ZNF148: variants seen among roughly 807,000 people sequenced by gnomAD.
The protein encoded by ZNF148 is Beta-Enolase Repressor Factor-1.
Under a neutral mutation model 67.7 loss-of-function variants are expected in ZNF148, and 7 were observed. That is an observed-to-expected ratio of 0.10 (90% confidence interval 0.06 to 0.19). The LOEUF (loss-of-function observed/expected upper bound fraction) is 0.19. ZNF148 is among the 10% of genes least tolerant of loss of function. The pLI is 1.00. For missense variants in ZNF148, 583 were observed against 947.1 expected (o/e 0.62, Z 5.05); for synonymous variants, 333 against 330.7 (o/e 1.01, Z -0.08).
At chr3:125,311,111 G>T in intron 4 of ZNF148, 1 of 199,736 alleles carries the variant, frequency 5.0e-6, no homozygotes, top group East Asian at 1.2e-4. Flanking sequence ...CTTCCTTCTG[G>T]ATGTTACAGA....
chr3:125,371,355 TC>T (rs1306508863), intron 1 of ZNF148, among the ~76,000 whole-genome samples: 1 of 49,746 alleles, frequency 2.0e-5, no homozygotes, highest in East Asian at 6.7e-4. Context: ...AGACCCTGTT[TC>T]AAAAAAAAAA....
chr3:125,269,957 GGAA>G (rs1937646293), intron 7 of ZNF148, among the ~76,000 whole-genome samples: 1 of 152,012 alleles, frequency 6.6e-6, no homozygotes, highest in Non-Finnish European at 1.5e-5. Flanking sequence ...GACTCCAAAA[GGAA>G]GAAGAGAAGG....
intron 7 of ZNF148, among the ~76,000 whole-genome samples, chr3:125,242,821 CTAAT>C (rs557593657): frequency 1.3e-5 from 2 of 152,298 alleles, no homozygotes; most frequent in South Asian, 2.1e-4. Context: ...TAATCACACA[CTAAT>C]TAAGTTCCAT....
intron 2 of ZNF148, among the ~76,000 whole-genome samples, chr3:125,326,399 T>C (rs546469755): frequency 2.0e-5 from 3 of 151,972 alleles, no homozygotes; most frequent in African/African-American, 7.2e-5. Context: ...TGGACCTACA[T>C]TGGAAGAAAG....
chr3:125,228,248 T>C lies in ZNF148; in HGVS notation c.*4093A>G, dbSNP rs549303875. The C allele has an allele frequency of 5.9e-5, 9 of 152,706 alleles. No individual in the cohort carries two copies. The highest frequency in any genetic ancestry group is 1.9e-4 in the African/African-American group (8 of 41,570). 9.5% of individuals were successfully genotyped at this position (152,706 alleles called of 1,614,324 possible). On this transcript the variant is annotated 3_prime_UTR_variant, in exon 9 of 9. Transcript: ENST00000360647. The stretch of plus-strand genomic sequence containing the variant: ...AACCACATCCCTTCCTTCAGTGTGA[T>C]GGGCACTAAGTTTTGCGGTCTTCCT...
intron 4 of ZNF148, among the ~76,000 whole-genome samples, chr3:125,302,027 T>C (rs1388072939): frequency 6.6e-6 from 1 of 152,056 alleles, no homozygotes; most frequent in Non-Finnish European, 1.5e-5. Context: ...ACCATGCCAC[T>C]GCACTCCAGC....
intron 3 of ZNF148, among the ~76,000 whole-genome samples, chr3:125,315,488 C>G (rs1488900171): frequency 6.6e-6 from 1 of 152,008 alleles, no homozygotes; most frequent in Non-Finnish European, 1.5e-5. Flanking sequence ...GCGGGCAGAT[C>G]AGCAGGTCAG....
At chr3:125,276,420 ATTTAT>A (rs1410046015) in intron 7 of ZNF148, among the ~76,000 whole-genome samples, 3 of 151,788 alleles carry the variant, frequency 2.0e-5, no homozygotes, top group African/African-American at 4.8e-5. Context: ...TTATTTATTT[ATTTAT>A]TTATTTATTT....
intron 5 of ZNF148, among the ~76,000 whole-genome samples, chr3:125,286,491 A>G (rs534886986): frequency 1.4e-4 from 22 of 152,342 alleles, no homozygotes; most frequent in Non-Finnish European, 2.5e-4. Context: ...AAAGAGTAAC[A>G]TTATCAAGAA....
intron 7 of ZNF148, among the ~76,000 whole-genome samples, chr3:125,276,467 C>G (rs1938076908): frequency 1.3e-5 from 2 of 151,898 alleles, no homozygotes; most frequent in South Asian, 4.2e-4. Context: ...GAGTTTCACT[C>G]TTATTGCCCA....
At chr3:125,273,126 TA>T (rs1393086428) in intron 7 of ZNF148, among the ~76,000 whole-genome samples, 1 of 152,174 alleles carries the variant, frequency 6.6e-6, no homozygotes, top group African/African-American at 2.4e-5. Flanking sequence ...TGAACCATAC[TA>T]AGGGAAATAT....
chr3:125,313,717 T>C (rs983712277), intron 3 of ZNF148, 61 bp from the exon 4 acceptor site: 1 of 1,302,386 alleles, frequency 7.7e-7, no homozygotes, highest in African/African-American at 1.5e-5. Flanking sequence ...TACTTCATTT[T>C]AAATTTTCAA....
intron 1 of ZNF148, chr3:125,356,979 T>C (rs1337849267): frequency 1.3e-5 from 2 of 152,250 alleles, no homozygotes; most frequent in Non-Finnish European, 2.9e-5. Flanking sequence ...CTGCTGACCT[T>C]TTCACAGACG....
At position 125,227,291 on chromosome 3, in the gene ZNF148, G is replaced by C. The variant is rs1367107557; in HGVS notation, c.*5050C>G. On this transcript the variant is annotated 3_prime_UTR_variant, in exon 9 of 9. Coordinates refer to ENST00000360647, the MANE Select transcript of ZNF148 (RefSeq NM_021964.3). ...TGATTGAGAAAAGGTCAGAAAATGG[G>C]ATAGGAATAGTAATACTGTATAATC... 6.6e-6 allele frequency: 1 copy of C among 152,556 alleles called. No homozygotes were observed. The highest frequency in any genetic ancestry group is 2.4e-5 in the African/African-American group (1 of 41,426). The allele number at this position is 152,556 out of a possible 1,614,324, so 9.5% of individuals were successfully genotyped here.
chr3:125,368,363 C>T (rs745591367), intron 1 of ZNF148, among the ~76,000 whole-genome samples: 84 of 152,328 alleles, frequency 5.5e-4, no homozygotes, highest in Non-Finnish European at 1.0e-3. Flanking sequence ...ATCTGATGCA[C>T]TCAACCAACA....
intron 2 of ZNF148, among the ~76,000 whole-genome samples, chr3:125,324,910 T>A (rs986798190): frequency 6.6e-6 from 1 of 152,196 alleles, no homozygotes; most frequent in Non-Finnish European, 1.5e-5. Context: ...TTCATGTATA[T>A]CTCTTTTGCC....
chr3:125,241,397 A>G (rs561992143), intron 7 of ZNF148, among the ~76,000 whole-genome samples: 13 of 149,718 alleles, frequency 8.7e-5, no homozygotes, highest in African/African-American at 2.9e-4. Flanking sequence ...TGATATTCCC[A>G]CCTTCTGAGT....
chr3:125,374,577 G>C (rs543593449), intron 1 of ZNF148, among the ~76,000 whole-genome samples: 1 of 151,730 alleles, frequency 6.6e-6, no homozygotes, highest in East Asian at 1.9e-4. Flanking sequence ...TCTTTCCTCC[G>C]GCCCCTCGCC....
At chr3:125,243,240 A>G (rs1936446265) in intron 7 of ZNF148, among the ~76,000 whole-genome samples, 1 of 152,116 alleles carries the variant, frequency 6.6e-6, no homozygotes, top group Non-Finnish European at 1.5e-5. Context: ...TTGTCTTCTC[A>G]TTGATATTGT....
Sources: gnomAD v4.1 joint callset for allele counts (sites outside exome capture counted in the v4.1 genomes callset) on GRCh38, gnomAD v4.1.1 for gene constraint, MANE v1.5 for transcripts, NCBI Gene and HGNC (gene_info 2026-07-23, HGNC 2026-07-21) for gene names.